Variants in CDCA8 observed in about 807,000 individuals in gnomAD.
The protein encoded by CDCA8 is borealin.
A neutral mutation model predicts 40.0 loss-of-function variants in CDCA8; 25 were observed. That is an observed-to-expected ratio of 0.63 (90% CI 0.46 to 0.87). The LOEUF (loss-of-function observed/expected upper bound fraction) is 0.87, where lower values mean the gene tolerates loss of function less well. Among genes scored for constraint, CDCA8 ranks in the 40% least tolerant of loss-of-function variants. The pLI, the probability that CDCA8 is intolerant of heterozygous loss-of-function variation, is 0.00. For synonymous variants in CDCA8, 111 were observed against 126.5 expected (o/e 0.88, Z 0.82); for missense variants, 280 against 348.4 (o/e 0.80, Z 1.56).
chr1:37,693,187 T>G (rs979341694), intron 2 of CDCA8, among the ~76,000 whole-genome samples, 154 bp downstream of exon 2: 2 of 134,720 alleles, frequency 1.5e-5, no homozygotes, highest in Non-Finnish European at 3.1e-5. Context: ...CTGTCTCACT[T>G]CCCTACTTCA....
intron 9 of CDCA8, among the ~76,000 whole-genome samples, 153 bp downstream of exon 9, chr1:37,707,217 T>C (rs1222766016): frequency 1.3e-5 from 2 of 152,244 alleles, no homozygotes; most frequent in Admixed American, 1.3e-4. Context: ...CTTACCCTAC[T>C]TAGATAGCAG....
At chr1:37,703,230 G>T in intron 6 of CDCA8, 22 bp from the exon 7 acceptor site, 1 of 1,585,350 alleles carries the variant, frequency 6.3e-7, no homozygotes, top group Non-Finnish European at 8.7e-7. Context: ...TGGCATACCT[G>T]ATGGCCATTT....
chr1:37,703,350 G>T lies in CDCA8; in HGVS notation c.584+3G>T. ...CTGACACCCAGGTTTGACTCAAGGT[G>T]AGTATCGAGGGAAACACTTGGATTT... On this transcript the variant is annotated splice_donor_region_variant and intron_variant, in intron 7 of 9. Coordinates refer to ENST00000373055, the MANE Select transcript of CDCA8 (RefSeq NM_001256875.2). The T allele has an allele frequency of 6.2e-7, 1 of 1,601,722 alleles. No individual in the cohort carries two copies. The highest frequency in any genetic ancestry group is 8.6e-7 in the Non-Finnish European group (1 of 1,168,604).
At chr1:37,699,985 C>T (rs11264089) in intron 4 of CDCA8, among the ~76,000 whole-genome samples, 1,902 of 152,176 alleles carry the variant, frequency 0.012, 30 homozygotes, top group African/African-American at 0.035. Context: ...ATACATGTCC[C>T]GCACTCTGAG....
chr1:37,693,088 G>T, intron 2 of CDCA8, 55 bp downstream of exon 2: 3 of 1,557,266 alleles, frequency 1.9e-6, no homozygotes, highest in Non-Finnish European at 2.6e-6. Context: ...GGGGTTAGGT[G>T]ACACCCTTCA....
chr1:37,706,580 C>T (rs1487596987), intron 8 of CDCA8, among the ~76,000 whole-genome samples: 3 of 152,194 alleles, frequency 2.0e-5, no homozygotes, highest in Admixed American at 6.5e-5. Context: ...AGGGCACCAC[C>T]GAGGTATGCG....
intron 2 of CDCA8, among the ~76,000 whole-genome samples, chr1:37,694,054 C>T (rs958685638): frequency 3.9e-5 from 6 of 152,154 alleles, no homozygotes; most frequent in African/African-American, 1.2e-4. Flanking sequence ...GCAGGACAAT[C>T]GCTTGAACCT....
At position 37,703,287 on chromosome 1, in the gene CDCA8, G is replaced by A. The variant is rs748943554; in HGVS notation, c.524G>A (p.Gly175Asp). Residue 175 changes from glycine to aspartate, a missense_variant, in exon 7 of 10, where the codon GGC (glycine) becomes GAC (aspartate). Physicochemically the swap from Gly to Asp is moderately conservative, Grantham distance 94 (BLOSUM62 -1). Transcript: ENST00000373055. Reference sequence around the variant, plus strand: ...GCTAACACTGTTACCCCAGCCGTGGGCCGATTGGAGGTGTCCATGGTCAAA... The same window carrying A: ...GCTAACACTGTTACCCCAGCCGTGGACCGATTGGAGGTGTCCATGGTCAAA... ...SRANTVTPAV[G>D]RLEVSMVKPT... 8 of 1,613,852 alleles carry A rather than the reference G, an allele frequency of 5.0e-6. No homozygotes were observed. The Admixed American group carries it at 1.0e-4, about 20-fold the overall frequency.
rs1427952845 is a variant in CDCA8, at chr1:37,697,376, G to A, written c.264+1426G>A. On this transcript the variant is annotated intron_variant, in intron 3 of 9. Transcript: ENST00000373055. The stretch of plus-strand genomic sequence containing the variant: ...CTTCTAGGAGTCCACTCCCTGTAGA[G>A]TCAAACAGAACATGCTTAATTCAAC... Among the ~76,000 whole-genome samples, 3 of 152,248 alleles carry A rather than the reference G, an allele frequency of 2.0e-5. No homozygotes were observed. The East Asian group carries it at 5.8e-4, about 29-fold the overall frequency.
rs545113349 is a variant in CDCA8, at chr1:37,704,679, G to A, written c.585-762G>A. Among the ~76,000 whole-genome samples the A allele has an allele frequency of 3.0e-3, 354 of 117,742 alleles. 3 individuals are homozygous for A. The highest frequency in any genetic ancestry group is 0.011 in the African/African-American group (336 of 29,936). The allele number at this position is 117,742 out of a possible 152,430, so 77.2% of individuals were successfully genotyped here. The stretch of plus-strand genomic sequence containing the variant: ...TTTTTTTTTTTTGAGACGGAGTCTC[G>A]CTCTGTCACCCAGGCTGGAGTGCAA... On this transcript the variant is annotated intron_variant, in intron 7 of 9. Coordinates refer to ENST00000373055, the MANE Select transcript of CDCA8 (RefSeq NM_001256875.2).
In CDCA8 at chr1:37,696,332, C is replaced by G. The variant is rs938690265; in HGVS notation, c.264+382C>G. 1.3e-5 allele frequency among the ~76,000 whole-genome samples: 2 copies of G among 152,030 alleles called. No individual in the cohort carries two copies. Among genetic ancestry groups the G allele is most frequent in the African/African-American group, 4.8e-5 (2 of 41,414 alleles). On this transcript the variant is annotated intron_variant, in intron 3 of 9. Transcript: ENST00000373055. This position sits in a 1 kb window ranked among gnomAD's most constrained non-coding sequence, Gnocchi z 5.0. ...CTTTTGCTTGGGATGCTCAGTATTC[C>G]CCAACCCCTCTCATCTCCTTCCTCC...
intron 9 of CDCA8, among the ~76,000 whole-genome samples, chr1:37,707,785 C>T (rs1037793052): frequency 2.0e-5 from 3 of 152,230 alleles, no homozygotes; most frequent in African/African-American, 7.2e-5. Context: ...CGTGCTGCTG[C>T]ACTCCAGCCT....
rs1265278068 is a variant in CDCA8 at position 37,692,660 on chromosome 1, C to G, written c.-31C>G. 2.5e-6 allele frequency: 4 copies of G among 1,585,192 alleles called. No homozygotes were observed. Among genetic ancestry groups the G allele is most frequent in the Non-Finnish European group, 3.5e-6 (4 of 1,157,876 alleles). Reference sequence around the variant, plus strand: ...AGTTTCTTGCTTCCCTGCCCCATCTCCGCCGCTCCCCGCAGCCTCCGCCGA... The same window carrying G: ...AGTTTCTTGCTTCCCTGCCCCATCTGCGCCGCTCCCCGCAGCCTCCGCCGA... On this transcript the variant is annotated 5_prime_UTR_variant, in exon 1 of 10. Coordinates refer to ENST00000373055, the MANE Select transcript of CDCA8 (RefSeq NM_001256875.2).
intron 4 of CDCA8, among the ~76,000 whole-genome samples, chr1:37,699,715 C>T (rs10908371): frequency 0.14 from 21,117 of 152,048 alleles, 1,566 homozygotes; most frequent in Non-Finnish European, 0.17. Context: ...GTCAGGAGTT[C>T]GAGACCATCC....
At chr1:37,701,324 C>T (rs906632955) in intron 5 of CDCA8, among the ~76,000 whole-genome samples, 4 of 152,016 alleles carry the variant, frequency 2.6e-5, no homozygotes, top group Non-Finnish European at 5.9e-5. Context: ...AGATCCATCA[C>T]GGAGGACAAG....
Position 37,692,547 on chromosome 1 carries a change from G to A in CDCA8, c.-144G>A, listed in dbSNP as rs1042061345. ...CCGCTCTCTCTCACTGGCACAGCGA[G>A]GTTTTGCTCAGCCCTTGTCTCGGGA... On this transcript the variant is annotated 5_prime_UTR_variant, in exon 1 of 10. Transcript: ENST00000373055. 1 of 669,178 alleles carries A rather than the reference G, an allele frequency of 1.5e-6. No homozygotes were observed. Among genetic ancestry groups the A allele is most frequent in the Non-Finnish European group, 2.7e-6 (1 of 367,166 alleles). The allele number at this position is 669,178 out of a possible 1,614,324, so 41.5% of individuals were successfully genotyped here.
In CDCA8 at chr1:37,692,888, G is replaced by A; in HGVS notation, c.95-17G>A. 6.2e-7 allele frequency: 1 copy of A among 1,613,732 alleles called. No individual in the cohort carries two copies. Among genetic ancestry groups the A allele is most frequent in the Non-Finnish European group, 8.5e-7 (1 of 1,179,768 alleles). ...CCCGCCCGTGACCCGTGTCCTGTCG[G>A]CTCTGCCCTCCCGCAGTGGAAATAC... On this transcript the variant is annotated splice_polypyrimidine_tract_variant and intron_variant, in intron 1 of 9. Transcript: ENST00000373055.
chr1:37,707,658 TTA>T (rs1448489923), intron 9 of CDCA8, among the ~76,000 whole-genome samples: 1 of 152,162 alleles, frequency 6.6e-6, no homozygotes, highest in Non-Finnish European at 1.5e-5. Context: ...TTGTCTTGGT[TTA>T]AATTCTGAAG....
Position 37,708,480 on chromosome 1 carries a change from C to T in CDCA8, c.*114C>T. The T allele has an allele frequency of 9.8e-7, 1 of 1,021,482 alleles. No individual in the cohort carries two copies. The highest frequency in any genetic ancestry group is 1.3e-5 in the South Asian group (1 of 76,016). The allele number at this position is 1,021,482 out of a possible 1,614,324, so 63.3% of individuals were successfully genotyped here. On this transcript the variant is annotated 3_prime_UTR_variant, in exon 10 of 10. Transcript: ENST00000373055. Reference sequence around the variant, plus strand: ...AAGTTCCAGAGCAAGGAGCCATGTTCCTCTAAGGGAATTCAGGAATTCAGA... The same window carrying T: ...AAGTTCCAGAGCAAGGAGCCATGTTTCTCTAAGGGAATTCAGGAATTCAGA...
Sources: gnomAD v4.1 joint callset for allele counts (sites outside exome capture counted in the v4.1 genomes callset) on GRCh38, gnomAD v4.1.1 for gene constraint, Gnocchi (gnomAD v3.1) non-coding constraint, MANE v1.5 for transcripts, NCBI Gene and HGNC (gene_info 2026-07-23, HGNC 2026-07-21) for gene names.